OBP2A: variants seen among roughly 807,000 people sequenced by gnomAD.
OBP2A encodes the protein odorant-binding protein 2a.
A neutral mutation model predicts 21.9 loss-of-function variants in OBP2A; 15 were observed. The observed-to-expected ratio is 0.69, with a 90% CI of 0.46 to 1.06. The LOEUF (loss-of-function observed/expected upper bound fraction) is 1.06, where lower values mean the gene tolerates loss of function less well. Ranked by LOEUF, OBP2A falls within the 50% of genes least tolerant of loss-of-function variation. The pLI, the probability that OBP2A is intolerant of heterozygous loss-of-function variation, is 0.00. For missense variants in OBP2A, 192 were observed against 220.1 expected (o/e 0.87, Z 0.81); for synonymous variants, 86 against 91.8 (o/e 0.94, Z 0.36).
chr9:135,547,107 T>C lies in OBP2A; in HGVS notation c.207-71T>C, dbSNP rs1213380251. 1.8e-5 allele frequency: 27 copies of C among 1,505,134 alleles called. No individual in the cohort carries two copies. The East Asian group carries it at 5.2e-4, about 29-fold the overall frequency. The allele number at this position is 1,505,134 out of a possible 1,614,324, so 93.2% of individuals were successfully genotyped here. A position where few individuals can be genotyped will look rare whatever the true frequency, so the allele number is the denominator to read the frequency against. On this transcript the variant is annotated intron_variant, in intron 2 of 6. Coordinates refer to ENST00000371776, the MANE Select transcript of OBP2A (RefSeq NM_014582.3). ...TTTTCAGGTTGCCGGGTCAGGGCCATGCACCAGGTGAGCTGAGGATGGGCC... is the reference window on the plus strand; with the variant it reads ...TTTTCAGGTTGCCGGGTCAGGGCCACGCACCAGGTGAGCTGAGGATGGGCC...
chr9:135,547,311 G>A, intron 3 of OBP2A, 63 bp downstream of exon 3: 3 of 1,547,914 alleles, frequency 1.9e-6, no homozygotes, highest in Non-Finnish European at 2.7e-6. Flanking sequence ...CCCCACTGCA[G>A]GTGGAGAGTG....
chr9:135,547,971 A>G lies in OBP2A; in HGVS notation c.378A>G (p.Gly126=). 1 of 1,607,752 alleles carries G rather than the reference A, an allele frequency of 6.2e-7. No homozygotes were observed. Residue 126 remains glycine, a synonymous_variant, in exon 4 of 7, where the codon GGA becomes GGG. Transcript: ENST00000371776. ...GCCGTGGGGGCCTGCGCTACATGGG[A>G]AAGCTTGTGGGTGAGGGGCCCGCTG... ...DQRRGGLRYM[G]KLVGRNPNTN...
chr9:135,548,200 T>C (rs568475191), intron 4 of OBP2A, among the ~76,000 whole-genome samples: 46 of 152,232 alleles, frequency 3.0e-4, no homozygotes, highest in African/African-American at 1.1e-3. Context: ...CTCGGTGACA[T>C]GAACCTGCCA....
rs1013326587 is a variant in OBP2A at position 135,547,805 on chromosome 9, G to A, written c.278-66G>A. The A allele has an allele frequency of 3.3e-4, 408 of 1,226,938 alleles. 1 individual carries two copies. Among genetic ancestry groups the A allele is most frequent in the Admixed American group, 2.9e-4 (13 of 45,486 alleles). 76.0% of individuals were successfully genotyped at this position (1,226,938 alleles called of 1,614,324 possible). Reference sequence around the variant, plus strand: ...CTGAAACATTCCTGAGTGTTTCTTCGTGTGGTCCTGAGTGCTCTCTCCGGG... The same window carrying A: ...CTGAAACATTCCTGAGTGTTTCTTCATGTGGTCCTGAGTGCTCTCTCCGGG... On this transcript the variant is annotated intron_variant, in intron 3 of 6. Coordinates refer to ENST00000371776, the MANE Select transcript of OBP2A (RefSeq NM_014582.3).
intron 4 of OBP2A, 70 bp downstream of exon 4, chr9:135,548,051 A>G: frequency 1.7e-6 from 2 of 1,148,918 alleles, no homozygotes; most frequent in East Asian, 2.5e-5. Flanking sequence ...TGGAACCACC[A>G]TCATCACGCC....
At chr9:135,547,630 C>A (rs1325140495) in intron 3 of OBP2A, among the ~76,000 whole-genome samples, 1 of 152,206 alleles carries the variant, frequency 6.6e-6, no homozygotes, top group Non-Finnish European at 1.5e-5. Flanking sequence ...GCTGGGAAGG[C>A]CGGACTCTAG....
At chr9:135,546,425 C>CAT (rs369597787) in intron 1 of OBP2A, among the ~76,000 whole-genome samples, 173 bp downstream of exon 1, 66,694 of 151,150 alleles carry the variant, frequency 0.44, 14,431 homozygotes, top group East Asian at 0.66. Context: ...CACGGCCCCC[C>CAT]GAGGCCCAGG....
chr9:135,547,913 C>G lies in OBP2A; in HGVS notation c.320C>G (p.Thr107Arg), dbSNP rs760517173. Reference sequence around the variant, plus strand: ...ATATACCTGCAGGAGCTGCCCGGGACGGACGACTACGTCTTTTACTGCAAA... The same window carrying G: ...ATATACCTGCAGGAGCTGCCCGGGAGGGACGACTACGTCTTTTACTGCAAA... ...KLIYLQELPGTDDYVFYCKDQ... is the reference protein window; with the variant it reads ...KLIYLQELPGRDDYVFYCKDQ... The change falls in exon 4 of 7, where the codon ACG (threonine) becomes AGG (arginine). Residue 107 changes from threonine (T) to arginine (R), a missense_variant. Transcript: ENST00000371776. 1.9e-6 allele frequency: 3 copies of G among 1,613,186 alleles called. No individual in the cohort carries two copies. Among genetic ancestry groups the G allele is most frequent in the Non-Finnish European group, 2.5e-6 (3 of 1,179,658 alleles).
In OBP2A at chr9:135,549,008, C is replaced by T. The variant is rs186366183; in HGVS notation, c.490+199C>T. On this transcript the variant is annotated intron_variant, in intron 5 of 6. Coordinates refer to ENST00000371776, the MANE Select transcript of OBP2A (RefSeq NM_014582.3). ...GGCTGCGATGCGGTCTGGGGCTCCG[C>T]GCTCTGGGCTGCGATGGGGTCTGGG... Among the ~76,000 whole-genome samples, 4 of 135,096 alleles carry T rather than the reference C, an allele frequency of 3.0e-5. 1 individual carries two copies. The South Asian group carries it at 9.3e-4, about 31-fold the overall frequency. 88.6% of individuals were successfully genotyped at this position (135,096 alleles called of 152,430 possible).
chr9:135,547,786 C>A, intron 3 of OBP2A, 85 bp from the exon 4 acceptor site: 3 of 1,079,770 alleles, frequency 2.8e-6, no homozygotes, highest in Non-Finnish European at 4.0e-6. Context: ...ACCACTGAAA[C>A]ATTCCTGAGT....
Position 135,546,911 on chromosome 9 carries a change from T to C in OBP2A, c.206T>C (p.Met69Thr), listed in dbSNP as rs1198010666. The C allele has an allele frequency of 1.9e-6, 3 of 1,613,594 alleles. No individual in the cohort carries two copies. The highest frequency in any genetic ancestry group is 2.2e-5 in the East Asian group (1 of 44,868). The change falls in exon 2 of 7, where the codon ATG becomes ACG. Residue 69 changes from methionine (M) to threonine (T), a missense_variant and splice_region_variant. Transcript: ENST00000371776. The part of the protein sequence containing the change: ...GGNLEATFTF[M>T]REDRCIQKKI... Reference sequence around the variant, plus strand: ...AACTTGGAAGCCACGTTCACCTTCATGTGAGTGTTGCCCACTGCAGGGCCC... The same window carrying C: ...AACTTGGAAGCCACGTTCACCTTCACGTGAGTGTTGCCCACTGCAGGGCCC...
chr9:135,548,018 T>C lies in OBP2A; in HGVS notation c.388+37T>C, dbSNP rs200898755. 3,901 of 1,439,726 alleles carry C rather than the reference T, an allele frequency of 2.7e-3. 12 individuals are homozygous for C. The highest frequency in any genetic ancestry group is 3.5e-3 in the Non-Finnish European group (3,659 of 1,045,712). 89.2% of individuals were successfully genotyped at this position (1,439,726 alleles called of 1,614,324 possible). ...GCTGGGGCCTGCATGTCCTGCCCCA[T>C]GGTCTCTGCCTCCAGAAGCCAGTGG... On this transcript the variant is annotated intron_variant, in intron 4 of 6. Transcript: ENST00000371776.
intron 5 of OBP2A, among the ~76,000 whole-genome samples, 175 bp from the exon 6 acceptor site, chr9:135,549,118 ATGGGGTCTGGGGCTC>A: frequency 2.4e-4 from 1 of 4,200 alleles, no homozygotes; most frequent in African/African-American, 1.3e-3. Flanking sequence ...CTGGGCTGCG[ATGGGGTCTGGGGCTC>A]CGCGCTCTGG....
At position 135,546,818 on chromosome 9, in the gene OBP2A, A is replaced by G. The variant is rs371751126; in HGVS notation, c.113A>G (p.Lys38Arg). ...TACGTGAAGGCCATGGTGGTCGATAAGGACTTTCCGGAGGACAGGAGGCCC... is the reference window on the plus strand; with the variant it reads ...TACGTGAAGGCCATGGTGGTCGATAGGGACTTTCCGGAGGACAGGAGGCCC... ...TWYVKAMVVD[K>R]DFPEDRRPRK... Residue 38 changes from lysine to arginine, a missense_variant, in exon 2 of 7, where the codon AAG (lysine) becomes AGG (arginine). Lys to Arg is a conservative substitution (Grantham distance 26). Coordinates refer to ENST00000371776, the MANE Select transcript of OBP2A (RefSeq NM_014582.3). 15 of 1,613,262 alleles carry G rather than the reference A, an allele frequency of 9.3e-6. No homozygotes were observed. Among genetic ancestry groups the G allele is most frequent in the Non-Finnish European group, 1.3e-5 (15 of 1,179,528 alleles).
chr9:135,546,837 G>A lies in OBP2A; in HGVS notation c.132G>A (p.Arg44=), dbSNP rs1445190688. The change falls in exon 2 of 7, where the codon AGG becomes AGA. Residue 44 remains arginine (R), a synonymous_variant. Coordinates refer to ENST00000371776, the MANE Select transcript of OBP2A (RefSeq NM_014582.3). The part of the protein sequence containing the change: ...MVVDKDFPED[R]RPRKVSPVKV... ...TCGATAAGGACTTTCCGGAGGACAG[G>A]AGGCCCAGGAAGGTGTCCCCAGTGA... 3 of 1,613,626 alleles carry A rather than the reference G, an allele frequency of 1.9e-6. No individual in the cohort carries two copies. Among genetic ancestry groups the A allele is most frequent in the Non-Finnish European group, 2.5e-6 (3 of 1,179,694 alleles).
intron 3 of OBP2A, among the ~76,000 whole-genome samples, 196 bp downstream of exon 3, chr9:135,547,444 A>T (rs72766537): frequency 2.0e-5 from 3 of 152,106 alleles, no homozygotes; most frequent in Admixed American, 6.5e-5. Context: ...TGTCCACAGT[A>T]GAGATGGACC....
intron 4 of OBP2A, among the ~76,000 whole-genome samples, chr9:135,548,431 C>A (rs2118998377): frequency 6.6e-6 from 1 of 152,144 alleles, no homozygotes; most frequent in East Asian, 1.9e-4. Flanking sequence ...CTGCCACTGT[C>A]CCCTTTCCTG....
rs761318895 is a variant in OBP2A, at chr9:135,546,813, C to T, written c.108C>T (p.Val36=). 3.7e-6 allele frequency: 6 copies of T among 1,612,944 alleles called. No homozygotes were observed. The highest frequency in any genetic ancestry group is 1.7e-5 in the Admixed American group (1 of 59,888). ...CCTGGTACGTGAAGGCCATGGTGGT[C>T]GATAAGGACTTTCCGGAGGACAGGA... ...TGTWYVKAMV[V]DKDFPEDRRP... The change falls in exon 2 of 7, where the codon GTC becomes GTT. Residue 36 remains valine, a synonymous_variant. Transcript: ENST00000371776.
chr9:135,546,938 T>C (rs1831951779), intron 2 of OBP2A, 27 bp downstream of exon 2: 1 of 1,610,130 alleles, frequency 6.2e-7, no homozygotes, highest in South Asian at 1.1e-5. Flanking sequence ...GCAGGGCCCC[T>C]CAGGCCACTT....
Sources: allele counts gnomAD v4.1 joint callset (sites outside exome capture counted in the v4.1 genomes callset), GRCh38; gene constraint gnomAD v4.1.1; transcripts MANE v1.5; gene names NCBI Gene and HGNC (gene_info 2026-07-23, HGNC 2026-07-21).